The following AP5Z1 variants were observed in gnomAD, a reference collection of about 807,000 sequenced individuals.
AP5Z1 encodes the protein AP-5 complex subunit zeta-1.
A neutral mutation model predicts 83.0 loss-of-function variants in AP5Z1; 106 were observed. The ratio of observed to expected loss-of-function variants is 1.28; its 90% confidence interval spans 1.09 to 1.50. The LOEUF (loss-of-function observed/expected upper bound fraction) is 1.50, where lower values mean the gene tolerates loss of function less well. Ranked by LOEUF, AP5Z1 falls within the 40% of genes most tolerant of loss-of-function variation. The pLI, the probability that AP5Z1 is intolerant of heterozygous loss-of-function variation, is 0.00. For missense variants in AP5Z1, 1,565 were observed against 1,094.2 expected (o/e 1.43, Z -6.07); for synonymous variants, 751 against 514.1 (o/e 1.46, Z -6.23).
rs1781836926 is a variant in AP5Z1 at position 4,793,047 on chromosome 7, GC to G, written c.*1664del. The G allele has an allele frequency of 6.6e-6, 1 of 152,534 alleles. No homozygotes were observed. The highest frequency in any genetic ancestry group is 1.5e-5 in the Non-Finnish European group (1 of 68,194). 9.4% of individuals were successfully genotyped at this position (152,534 alleles called of 1,614,324 possible). A position where few individuals can be genotyped will look rare whatever the true frequency, so the allele number is the denominator to read the frequency against. ...AGGCACTCGTGGGGCCACCGCCCAGGCCAGCTGGTGCTAAGTCCGCAGCCTG... is the reference window on the plus strand; with the variant it reads ...AGGCACTCGTGGGGCCACCGCCCAGGCAGCTGGTGCTAAGTCCGCAGCCTG... On this transcript the variant is annotated 3_prime_UTR_variant, in exon 17 of 17. Transcript: ENST00000649063.
In AP5Z1 at chr7:4,794,060, AC is replaced by A. The variant is rs1359357819; in HGVS notation, c.*2677del. On this transcript the variant is annotated 3_prime_UTR_variant, in exon 17 of 17. Transcript: ENST00000649063. The stretch of plus-strand genomic sequence containing the variant: ...AAGGTTTGTAAACACACCAATCAGC[AC>A]CTTGTGTCTAGCTCAGGGTTTGTGA... 1 of 152,586 alleles carries A rather than the reference AC, an allele frequency of 6.6e-6. No individual in the cohort carries two copies. Among genetic ancestry groups the A allele is most frequent in the Non-Finnish European group, 1.5e-5 (1 of 68,390 alleles). 9.5% of individuals were successfully genotyped at this position (152,586 alleles called of 1,614,324 possible).
rs766462155 is a variant in AP5Z1 at position 4,783,335 on chromosome 7, T to G, written c.386T>G (p.Val129Gly). 3.7e-6 allele frequency: 6 copies of G among 1,611,362 alleles called. No individual in the cohort carries two copies. In the African/African-American group the frequency reaches 8.0e-5, roughly 22 times the overall value. Residue 129 changes from valine to glycine, a missense_variant, in exon 4 of 17, where the codon GTC (valine) becomes GGC (glycine). Physicochemically the swap from Val to Gly is moderately radical, Grantham distance 109. Transcript: ENST00000649063. ...LLAQGDRNEE[V>G]RAVGQGVLRA... is the part of the protein sequence containing the mutation. ...TTGAAGGGTGACAGAAACGAGGAGG[T>G]CAGAGCCGTGGGCCAGGGCGTGCTA...
In AP5Z1 at chr7:4,785,418, C is replaced by G; in HGVS notation, c.935C>G (p.Ala312Gly). 3 of 1,613,196 alleles carry G rather than the reference C, an allele frequency of 1.9e-6. No individual in the cohort carries two copies. The highest frequency in any genetic ancestry group is 2.5e-6 in the Non-Finnish European group (3 of 1,179,574). Residue 312 changes from alanine to glycine, a missense_variant, in exon 8 of 17, where the codon GCC (alanine) becomes GGC (glycine). Coordinates refer to ENST00000649063, the MANE Select transcript of AP5Z1 (RefSeq NM_014855.3). ...QRLIEQSNRR[A>G]LRKGDSDLQK... ...TGACTTTTTCCCCTCCTTCCAGGAG[C>G]CCTGAGGAAGGGGGACTCCGACCTG...
Position 4,781,558 on chromosome 7 carries a change from C to A in AP5Z1, c.180-10C>A. The A allele has an allele frequency of 6.2e-7, 1 of 1,601,668 alleles. No individual in the cohort carries two copies. Among genetic ancestry groups the A allele is most frequent in the Non-Finnish European group, 8.5e-7 (1 of 1,170,866 alleles). On this transcript the variant is annotated splice_polypyrimidine_tract_variant and intron_variant, in intron 2 of 16. Coordinates refer to ENST00000649063, the MANE Select transcript of AP5Z1 (RefSeq NM_014855.3). ...GTGTTACCGCCCACCACGGGCATCT[C>A]GCCTTCCAGGCTGGAGAAGACATGC...
At chr7:4,784,464 T>C (rs1483406365) in intron 6 of AP5Z1, 93 bp downstream of exon 6, 7 of 1,418,912 alleles carry the variant, frequency 4.9e-6, no homozygotes, top group Non-Finnish European at 6.6e-6. Flanking sequence ...GTGGGGGGAC[T>C]CGGGTGTGCC....
At chr7:4,790,284 T>TCTC (rs933630884) in intron 14 of AP5Z1, 175 bp from the exon 15 acceptor site, 1 of 1,543,654 alleles carries the variant, frequency 6.5e-7, no homozygotes, top group African/African-American at 1.4e-5. Flanking sequence ...GTGCCAGCCT[T>TCTC]CTCCCCAGTG....
chr7:4,775,723 C>A lies in AP5Z1; in HGVS notation c.8C>A (p.Ser3Ter), dbSNP rs201971666. The A allele has an allele frequency of 3.5e-5, 57 of 1,606,434 alleles. No homozygotes were observed. The highest frequency in any genetic ancestry group is 4.7e-5 in the Non-Finnish European group (56 of 1,179,702). The change falls in exon 1 of 17, where the codon TCG becomes TAG. Residue 3 changes from serine to a stop codon, truncating the protein, a stop_gained. Coordinates refer to ENST00000649063, the MANE Select transcript of AP5Z1 (RefSeq NM_014855.3). LOFTEE classifies it high-confidence loss of function. Reference sequence around the variant, plus strand: ...TCTGGTGGCGGCGGCGTGATGTTCTCGGCAGGAGCGGAGAGTTTGCTCCAC... The same window carrying A: ...TCTGGTGGCGGCGGCGTGATGTTCTAGGCAGGAGCGGAGAGTTTGCTCCAC... MF[S>*]AGAESLLHQA...
At chr7:4,787,558 GC>G in intron 10 of AP5Z1, 75 bp from the exon 11 acceptor site, 2 of 1,506,122 alleles carry the variant, frequency 1.3e-6, no homozygotes, top group Non-Finnish European at 1.8e-6. Flanking sequence ...CAGCTGTGGG[GC>G]CCTAGCTGGC....
Position 4,792,956 on chromosome 7 carries a change from C to T in AP5Z1, c.*1571C>T, listed in dbSNP as rs1444188756. ...AGTCTCCCACTGAGTCCGCAGCTCC[C>T]CTCCTGCCCTGGGGCGGGGCTTCCC... On this transcript the variant is annotated 3_prime_UTR_variant, in exon 17 of 17. Coordinates refer to ENST00000649063, the MANE Select transcript of AP5Z1 (RefSeq NM_014855.3). The T allele has an allele frequency of 1.9e-5, 3 of 161,814 alleles. No individual in the cohort carries two copies. Among genetic ancestry groups the T allele is most frequent in the Non-Finnish European group, 2.7e-5 (2 of 73,888 alleles). The allele number at this position is 161,814 out of a possible 1,614,324, so 10.0% of individuals were successfully genotyped here. A position where few individuals can be genotyped will look rare whatever the true frequency, so the allele number is the denominator to read the frequency against.
chr7:4,785,216 T>A (rs1781502324), intron 7 of AP5Z1, among the ~76,000 whole-genome samples, 168 bp downstream of exon 7: 1 of 152,092 alleles, frequency 6.6e-6, no homozygotes, highest in Non-Finnish European at 1.5e-5. Context: ...CCCCAAGTGT[T>A]CTTCAGGCTC....
chr7:4,784,193 C>G lies in AP5Z1; in HGVS notation c.622-10C>G. ...CCCCCTCCGCCCACTCCTGCCTGTC[C>G]TTCCCACAGCCGGGCCCCGTCACCG... On this transcript the variant is annotated splice_polypyrimidine_tract_variant and intron_variant, in intron 5 of 16. Transcript: ENST00000649063. 1.3e-6 allele frequency: 2 copies of G among 1,583,480 alleles called. No individual in the cohort carries two copies. The highest frequency in any genetic ancestry group is 1.2e-5 in the South Asian group (1 of 86,598).
intron 11 of AP5Z1, among the ~76,000 whole-genome samples, 159 bp downstream of exon 11, chr7:4,787,935 G>A (rs543501616): frequency 6.6e-6 from 1 of 152,152 alleles, no homozygotes; most frequent in East Asian, 1.9e-4. Context: ...TCTAGGACAG[G>A]GTGTGTCTGT....
rs1031018677 is a variant in AP5Z1 at position 4,790,519 on chromosome 7, G to A, written c.1866G>A (p.Leu622=). The change falls in exon 15 of 17, where the codon CTG becomes CTA. Residue 622 remains leucine (L), a synonymous_variant. Transcript: ENST00000649063. ...TGAAACCCTCCCTGGTGGTGGAGCT[G>A]GCAAGAGACCTGCTGGAGTTCCTGG... is the stretch of plus-strand genomic sequence containing the variant. The part of the protein sequence containing the change: ...CTLKPSLVVE[L]ARDLLEFLGS... The A allele has an allele frequency of 2.5e-6, 4 of 1,613,174 alleles. No homozygotes were observed. Among genetic ancestry groups the A allele is most frequent in the Non-Finnish European group, 3.4e-6 (4 of 1,179,864 alleles).
At chr7:4,783,223 C>T (rs575695351) in intron 3 of AP5Z1, 93 bp from the exon 4 acceptor site, 31 of 1,456,714 alleles carry the variant, frequency 2.1e-5, no homozygotes, top group Middle Eastern at 1.8e-4. Flanking sequence ...CAGCGACCGA[C>T]GCTTCTCAGG....
Position 4,784,385 on chromosome 7 carries a change from G to A in AP5Z1, c.790+14G>A, listed in dbSNP as rs1781474217. The stretch of plus-strand genomic sequence containing the variant: ...CCCTGGACACAGGTGTGCGGGGTGG[G>A]GGGATGACGTCAGACAGGGGTGGGA... On this transcript the variant is annotated intron_variant, in intron 6 of 16. Coordinates refer to ENST00000649063, the MANE Select transcript of AP5Z1 (RefSeq NM_014855.3). 14 of 1,586,042 alleles carry A rather than the reference G, an allele frequency of 8.8e-6. No homozygotes were observed. Among genetic ancestry groups the A allele is most frequent in the Non-Finnish European group, 1.0e-5 (12 of 1,169,442 alleles).
At chr7:4,784,854 T>A in intron 6 of AP5Z1, 54 bp from the exon 7 acceptor site, 1 of 1,572,112 alleles carries the variant, frequency 6.4e-7, no homozygotes, top group Non-Finnish European at 8.7e-7. Flanking sequence ...GCAGCAGGCA[T>A]GTCCCAGCCC....
chr7:4,791,101 C>G lies in AP5Z1; in HGVS notation c.2154-14C>G. 1 of 1,566,546 alleles carries G rather than the reference C, an allele frequency of 6.4e-7. No homozygotes were observed. The highest frequency in any genetic ancestry group is 8.7e-7 in the Non-Finnish European group (1 of 1,155,482). On this transcript the variant is annotated splice_polypyrimidine_tract_variant and intron_variant, in intron 16 of 16. Transcript: ENST00000649063. The stretch of plus-strand genomic sequence containing the variant: ...GGAGCATCTGCAGCTGACGGAGGGA[C>G]CTTCTTTCCCCAGGGCCTCTTTATT...
At chr7:4,779,806 AT>A (rs540584247) in intron 1 of AP5Z1, among the ~76,000 whole-genome samples, 10,168 of 150,234 alleles carry the variant, frequency 0.068, 455 homozygotes, top group African/African-American at 0.13. Context: ...ACGCCCAGCT[AT>A]TTTTTTTTGT....
chr7:4,787,799 G>T (rs1441065484), intron 11 of AP5Z1, 23 bp downstream of exon 11: 1 of 1,513,446 alleles, frequency 6.6e-7, no homozygotes, highest in Admixed American at 2.0e-5. Context: ...CCCTCTGCCA[G>T]CGCTGCGTCT....
Sources: allele counts gnomAD v4.1 joint callset (sites outside exome capture counted in the v4.1 genomes callset), GRCh38; gene constraint gnomAD v4.1.1; transcripts MANE v1.5; gene names NCBI Gene and HGNC (gene_info 2026-07-23, HGNC 2026-07-21).